The following CNRIP1 variants were observed in gnomAD, a reference collection of about 807,000 sequenced individuals.
The protein encoded by CNRIP1 is CB1 cannabinoid receptor-interacting protein 1.
Under a neutral mutation model 15.2 loss-of-function variants are expected in CNRIP1, and 10 were observed. The observed-to-expected ratio is 0.66, with a 90% CI of 0.41 to 1.12. The LOEUF (loss-of-function observed/expected upper bound fraction) is 1.12. Among genes scored for constraint, CNRIP1 ranks in the 50% most tolerant of loss-of-function variants. CNRIP1 has a pLI of 0.00. For synonymous variants in CNRIP1, 91 were observed against 83.2 expected (o/e 1.09, Z -0.51); for missense variants, 211 against 214.7 (o/e 0.98, Z 0.11).
intron 2 of CNRIP1, among the ~76,000 whole-genome samples, chr2:68,314,686 A>G (rs943808178): frequency 6.6e-6 from 1 of 152,150 alleles, no homozygotes; most frequent in Non-Finnish European, 1.5e-5. Context: ...ATCTAAAACA[A>G]TGCAGTATTG....
intron 2 of CNRIP1, among the ~76,000 whole-genome samples, chr2:68,302,887 C>T (rs1179261907): frequency 6.8e-6 from 1 of 147,854 alleles, no homozygotes; most frequent in Admixed American, 6.7e-5. Flanking sequence ...CTCCCTGTCG[C>T]CCAGGCTGGA....
At chr2:68,299,957 T>G (rs1558663470) in intron 2 of CNRIP1, among the ~76,000 whole-genome samples, 1 of 152,342 alleles carries the variant, frequency 6.6e-6, no homozygotes, top group South Asian at 2.1e-4. Flanking sequence ...AGAACAATCT[T>G]ATTCATAGAA....
intron 2 of CNRIP1, among the ~76,000 whole-genome samples, chr2:68,285,668 A>AAAAAAAAAAAAG (rs539747999): frequency 6.8e-4 from 85 of 124,400 alleles, no homozygotes; most frequent in Non-Finnish European, 9.1e-4. Context: ...AAAAAAAAAA[A>AAAAAAAAAAAAG]AAAAGAAAAG....
At chr2:68,301,549 G>A (rs965392046) in intron 2 of CNRIP1, among the ~76,000 whole-genome samples, 19 of 152,152 alleles carry the variant, frequency 1.2e-4, no homozygotes, top group African/African-American at 4.6e-4. Context: ...GAAAAGGGCG[G>A]TGGGGAGAGT....
intron 2 of CNRIP1, chr2:68,284,488 AAAAT>A: frequency 3.9e-6 from 6 of 1,535,708 alleles, no homozygotes; most frequent in Non-Finnish European, 5.3e-6. Context: ...GGCACTCCTG[AAAAT>A]AAATAGATAC....
chr2:68,317,882 T>G (rs1279666916), intron 1 of CNRIP1, among the ~76,000 whole-genome samples: 2 of 152,158 alleles, frequency 1.3e-5, no homozygotes, highest in East Asian at 3.8e-4. Context: ...GATTCTGATA[T>G]ATACTCAGGT....
At chr2:68,305,268 A>ATGTGTG (rs1478276359) in intron 2 of CNRIP1, among the ~76,000 whole-genome samples, 10 of 103,598 alleles carry the variant, frequency 9.7e-5, no homozygotes, top group African/African-American at 3.2e-4. Context: ...AAATATATAT[A>ATGTGTG]TATATATGTG....
chr2:68,302,415 C>T (rs893260462), intron 2 of CNRIP1, among the ~76,000 whole-genome samples: 3 of 152,166 alleles, frequency 2.0e-5, no homozygotes, highest in African/African-American at 4.8e-5. Context: ...GATGATGATT[C>T]GTGCAGACAG....
chr2:68,307,642 AATG>A (rs920882825), intron 2 of CNRIP1, among the ~76,000 whole-genome samples: 2 of 152,130 alleles, frequency 1.3e-5, no homozygotes, highest in South Asian at 4.1e-4. Flanking sequence ...TTCCAATTTT[AATG>A]ATGACATAGG....
At chr2:68,295,398 C>G (rs1229480692) in intron 2 of CNRIP1, among the ~76,000 whole-genome samples, 1 of 152,094 alleles carries the variant, frequency 6.6e-6, no homozygotes, top group Non-Finnish European at 1.5e-5. Flanking sequence ...CACAGACCTC[C>G]CAGGTATGAA....
chr2:68,307,265 G>A (rs1671890220), intron 2 of CNRIP1, among the ~76,000 whole-genome samples: 1 of 151,970 alleles, frequency 6.6e-6, no homozygotes, highest in African/African-American at 2.4e-5. Flanking sequence ...CATATTCTTT[G>A]CTACAATTTT....
At chr2:68,309,546 A>T (rs1671997838) in intron 2 of CNRIP1, among the ~76,000 whole-genome samples, 1 of 152,202 alleles carries the variant, frequency 6.6e-6, no homozygotes, top group African/African-American at 2.4e-5. Flanking sequence ...AAGGCCTTCT[A>T]ATTGTTCTTT....
rs954850008 is a variant in CNRIP1, at chr2:68,293,820, A to G, written c.*42T>C. On this transcript the variant is annotated 3_prime_UTR_variant, in exon 3 of 3. Coordinates refer to ENST00000263655, the MANE Select transcript of CNRIP1 (RefSeq NM_015463.3). ...CCTGCGCTGGTTTATCTAAAAGTAGATTTCTGAAAAGATTGTCCAGTAGCA... is the reference window on the plus strand; with the variant it reads ...CCTGCGCTGGTTTATCTAAAAGTAGGTTTCTGAAAAGATTGTCCAGTAGCA... The G allele has an allele frequency of 1.9e-6, 3 of 1,598,284 alleles. No individual in the cohort carries two copies. Among genetic ancestry groups the G allele is most frequent in the East Asian group, 2.2e-5 (1 of 44,584 alleles).
At chr2:68,311,749 TGA>T (rs966760051) in intron 2 of CNRIP1, among the ~76,000 whole-genome samples, 5 of 125,466 alleles carry the variant, frequency 4.0e-5, no homozygotes, top group African/African-American at 1.6e-4. Flanking sequence ...CACTCCAGCC[TGA>T]GAGACAGAGT....
At chr2:68,287,724 A>G (rs1423087708) in intron 2 of CNRIP1, among the ~76,000 whole-genome samples, 1 of 152,248 alleles carries the variant, frequency 6.6e-6, no homozygotes, top group Non-Finnish European at 1.5e-5. Context: ...CTCATTGGCC[A>G]GAGCTACCAG....
Position 68,293,800 on chromosome 2 carries a change from G to A in CNRIP1, c.*62C>T, listed in dbSNP as rs908446215. 57 of 1,583,506 alleles carry A rather than the reference G, an allele frequency of 3.6e-5. No individual in the cohort carries two copies. The African/African-American group carries it at 3.8e-4, about 10-fold the overall frequency. On this transcript the variant is annotated 3_prime_UTR_variant, in exon 3 of 3. Transcript: ENST00000263655. ...GTGGCATGCCTTGTTTAAGGCCTGC[G>A]CTGGTTTATCTAAAAGTAGATTTCT...
downstream of CNRIP1, among the ~76,000 whole-genome samples, chr2:68,292,771 G>A (rs1671209558): frequency 1.3e-5 from 2 of 152,132 alleles, no homozygotes; most frequent in Admixed American, 6.6e-5. Flanking sequence ...GTAATGGAGC[G>A]AGATAGGTAC....
intron 2 of CNRIP1, among the ~76,000 whole-genome samples, chr2:68,305,602 T>C (rs1301621028): frequency 6.7e-6 from 1 of 149,270 alleles, no homozygotes; most frequent in Non-Finnish European, 1.5e-5. Context: ...GAGACCATCC[T>C]GGCTAACACG....
chr2:68,294,308 CA>C, intron 2 of CNRIP1, among the ~76,000 whole-genome samples: 1 of 152,284 alleles, frequency 6.6e-6, no homozygotes, highest in Non-Finnish European at 1.5e-5. Flanking sequence ...AAAATAACTG[CA>C]AAGTTTATCT....
Sources: allele counts gnomAD v4.1 joint callset (sites outside exome capture counted in the v4.1 genomes callset), GRCh38; gene constraint gnomAD v4.1.1; transcripts MANE v1.5; gene names NCBI Gene and HGNC (gene_info 2026-07-23, HGNC 2026-07-21).